Variants in CREBL2 observed in about 807,000 individuals in gnomAD.
CREBL2 encodes the protein cAMP responsive element binding protein like 2, also known as cAMP-responsive element-binding protein-like 2.
CREBL2 carries 4 observed loss-of-function variants against 19.5 expected under a neutral mutation model. The observed-to-expected ratio is 0.20, with a 90% CI of 0.10 to 0.47. The LOEUF (loss-of-function observed/expected upper bound fraction) is 0.47, where lower values mean the gene tolerates loss of function less well. CREBL2 is among the 20% of genes least tolerant of loss of function. The probability of loss-of-function intolerance (pLI) is 0.98; values close to 1 mark genes in which losing one functional copy is unlikely to be tolerated. For missense variants in CREBL2, 85 were observed against 145.1 expected, an observed-to-expected ratio of 0.59 and a Z score of 2.13; for synonymous variants, 42 against 46.6, an observed-to-expected ratio of 0.90 and a Z score of 0.40.
At chr12:12,622,749 A>G (rs982816215) in intron 1 of CREBL2, among the ~76,000 whole-genome samples, 1 of 152,242 alleles carries the variant, frequency 6.6e-6, no homozygotes, top group African/African-American at 2.4e-5. Flanking sequence ...CTTAACATCA[A>G]ATGAAAACGC....
At chr12:12,629,314 G>C (rs1028202731) in intron 1 of CREBL2, among the ~76,000 whole-genome samples, 2 of 151,998 alleles carry the variant, frequency 1.3e-5, no homozygotes, top group Non-Finnish European at 2.9e-5. Context: ...GTGGTTTTTA[G>C]TGCACAGATT....
At chr12:12,621,619 T>G in intron 1 of CREBL2, among the ~76,000 whole-genome samples, 1 of 149,348 alleles carries the variant, frequency 6.7e-6, no homozygotes, top group African/African-American at 2.5e-5. Context: ...AAAGCAGAAG[T>G]AGAGGTGTGG....
intron 1 of CREBL2, among the ~76,000 whole-genome samples, chr12:12,618,235 G>C (rs1027169448): frequency 2.0e-5 from 3 of 151,624 alleles, no homozygotes; most frequent in South Asian, 4.2e-4. Context: ...CTTCCCAGAC[G>C]GGGCGGCTGC....
At chr12:12,616,229 A>G (rs1487790812) in intron 1 of CREBL2, among the ~76,000 whole-genome samples, 2 of 152,236 alleles carry the variant, frequency 1.3e-5, no homozygotes, top group East Asian at 3.8e-4. Flanking sequence ...AAAAATACAT[A>G]GGATTTTGGG....
chr12:12,637,670 G>A lies in CREBL2; in HGVS notation c.314G>A (p.Ser105Asn), dbSNP rs1040925571. Reference sequence around the variant, plus strand: ...CAGAACAAATCTCAGCAGAACTCAAGCAGGCATACCAAGGCTGGGAAGACA... The same window carrying A: ...CAGAACAAATCTCAGCAGAACTCAAACAGGCATACCAAGGCTGGGAAGACA... ...EEQNKSQQNS[S>N]RHTKAGKTDA... Residue 105 changes from serine to asparagine, a missense_variant, in exon 3 of 4, where the codon AGC (serine) becomes AAC (asparagine). Coordinates refer to ENST00000228865, the MANE Select transcript of CREBL2 (RefSeq NM_001310.4). The A allele has an allele frequency of 2.5e-6, 4 of 1,613,150 alleles. No homozygotes were observed. In the African/African-American group the frequency reaches 4.0e-5, roughly 16 times the overall value.
At chr12:12,634,428 C>T (rs1159242686) in intron 1 of CREBL2, among the ~76,000 whole-genome samples, 1 of 152,168 alleles carries the variant, frequency 6.6e-6, no homozygotes, top group African/African-American at 2.4e-5. Flanking sequence ...GAGAAATCTA[C>T]TGAGACAGTT....
chr12:12,639,117 C>T (rs564338999), intron 3 of CREBL2, among the ~76,000 whole-genome samples: 18 of 152,144 alleles, frequency 1.2e-4, no homozygotes, highest in African/African-American at 3.4e-4. Flanking sequence ...ATAATGTTTT[C>T]GAGGTTCATC....
At chr12:12,629,035 T>C (rs1308279092) in intron 1 of CREBL2, among the ~76,000 whole-genome samples, 1 of 152,226 alleles carries the variant, frequency 6.6e-6, no homozygotes, top group Non-Finnish European at 1.5e-5. Context: ...TTCTAATAAA[T>C]TCTGAAATCA....
At chr12:12,616,062 T>C (rs1426646347) in intron 1 of CREBL2, among the ~76,000 whole-genome samples, 10 of 152,256 alleles carry the variant, frequency 6.6e-5, no homozygotes, top group Admixed American at 6.5e-4. Context: ...ACTAATGTTA[T>C]GGGTATTTAA....
At chr12:12,628,855 C>T (rs1945421722) in intron 1 of CREBL2, among the ~76,000 whole-genome samples, 1 of 152,230 alleles carries the variant, frequency 6.6e-6, no homozygotes, top group South Asian at 2.1e-4. Context: ...CCACCTGTCC[C>T]AGCACCCTTT....
chr12:12,624,496 C>T lies in CREBL2; in HGVS notation c.16-11281C>T, dbSNP rs1212671065. ...CGGGTGCCTCATATACTCAGCCCAC[C>T]ACTCTCAACTCCTTGCAGGAGGGAG... On this transcript the variant is annotated intron_variant, in intron 1 of 3. Coordinates refer to ENST00000228865, the MANE Select transcript of CREBL2 (RefSeq NM_001310.4). Among the ~76,000 whole-genome samples, 4 of 152,200 alleles carry T rather than the reference C, an allele frequency of 2.6e-5. No individual in the cohort carries two copies. In the East Asian group the frequency reaches 7.7e-4, roughly 29 times the overall value.
Position 12,641,253 on chromosome 12 carries a change from A to ATTTTTTTTTTTTTTTTTTTTTTT in CREBL2, c.359-732_359-731insTTTTTTTTTTTTTTTTTTTTTTT, listed in dbSNP as rs142404101. 1.2e-4 allele frequency among the ~76,000 whole-genome samples: 9 copies of ATTTTTTTTTTTTTTTTTTTTTTT among 78,238 alleles called. 1 individual carries two copies. Among genetic ancestry groups the ATTTTTTTTTTTTTTTTTTTTTTT allele is most frequent in the Middle Eastern group, 8.5e-3 (1 of 118 alleles). 51.3% of individuals were successfully genotyped at this position (78,238 alleles called of 152,430 possible). On this transcript the variant is annotated intron_variant, in intron 3 of 3. Transcript: ENST00000228865. ...TATTATTATTATTATTATTATTATTATTTTTTTTTATTTTTTTTTTTTTTA... is the reference window on the plus strand; with the variant it reads ...TATTATTATTATTATTATTATTATTATTTTTTTTTTTTTTTTTTTTTTTTTTTTTTTTATTTTTTTTTTTTTTA...
chr12:12,623,904 G>A (rs1945380535), intron 1 of CREBL2, among the ~76,000 whole-genome samples: 1 of 152,218 alleles, frequency 6.6e-6, no homozygotes, highest in African/African-American at 2.4e-5. Context: ...AGATGAGGAA[G>A]CAGCGTGACC....
At position 12,642,384 on chromosome 12, in the gene CREBL2, A is replaced by G. The variant is rs988790239; in HGVS notation, c.*386A>G. 6.2e-6 allele frequency: 1 copy of G among 161,704 alleles called. No individual in the cohort carries two copies. The allele number at this position is 161,704 out of a possible 1,614,324, so 10.0% of individuals were successfully genotyped here. ...GTAATTGTATGTCTGTGTGTGTTTTATGTGTCACCACCTTTCATGTTTTTG... is the reference window on the plus strand; with the variant it reads ...GTAATTGTATGTCTGTGTGTGTTTTGTGTGTCACCACCTTTCATGTTTTTG... On this transcript the variant is annotated 3_prime_UTR_variant, in exon 4 of 4. Coordinates refer to ENST00000228865, the MANE Select transcript of CREBL2 (RefSeq NM_001310.4).
chr12:12,637,751 A>AGT (rs747614180), intron 3 of CREBL2, 37 bp downstream of exon 3: 24 of 1,578,256 alleles, frequency 1.5e-5, no homozygotes, highest in Non-Finnish European at 1.7e-5. Context: ...TATTTAAGAG[A>AGT]GTGTCTCGGT....
At chr12:12,615,884 T>C (rs550579050) in intron 1 of CREBL2, 1 of 152,720 alleles carries the variant, frequency 6.5e-6, no homozygotes, top group South Asian at 2.1e-4. Flanking sequence ...GTTGGTGCCT[T>C]TTCTCTTTGC....
At chr12:12,617,643 CTTTTTTTTTTTTTTTT>C (rs66943066) in intron 1 of CREBL2, among the ~76,000 whole-genome samples, 292 of 38,766 alleles carry the variant, frequency 7.5e-3, no homozygotes, top group Admixed American at 0.01. Context: ...TTTAGTAATT[CTTTTTTTTTTTTTTTT>C]TTTTTTTTTT....
intron 1 of CREBL2, among the ~76,000 whole-genome samples, chr12:12,617,943 C>G (rs1198434092): frequency 6.6e-6 from 1 of 151,794 alleles, no homozygotes; most frequent in Non-Finnish European, 1.5e-5. Flanking sequence ...CCATTTAACC[C>G]TGAGTGGACA....
intron 1 of CREBL2, among the ~76,000 whole-genome samples, chr12:12,634,664 A>G (rs1406402662): frequency 2.0e-5 from 3 of 152,164 alleles, no homozygotes; most frequent in Admixed American, 1.3e-4. Flanking sequence ...TCTTCTATGT[A>G]TTGTCTTATA....
Sources: gnomAD v4.1 joint callset for allele counts (sites outside exome capture counted in the v4.1 genomes callset) on GRCh38, gnomAD v4.1.1 for gene constraint, MANE v1.5 for transcripts, NCBI Gene and HGNC (gene_info 2026-07-23, HGNC 2026-07-21) for gene names.